BCAS3: variants seen among roughly 807,000 people sequenced by gnomAD.
BCAS3 encodes BCAS4/BCAS3 fusion.
A neutral mutation model predicts 116.1 loss-of-function variants in BCAS3; 53 were observed. The observed-to-expected ratio is 0.46, with a 90% confidence interval of 0.37 to 0.57. The LOEUF (loss-of-function observed/expected upper bound fraction) is 0.57. Among genes scored for constraint, BCAS3 ranks in the 20% least tolerant of loss-of-function variants. The pLI is 0.00. For missense variants in BCAS3, 917 were observed against 1,165.4 expected, an observed-to-expected ratio of 0.79 and a Z score of 3.10; for synonymous variants, 391 against 408.2, an observed-to-expected ratio of 0.96 and a Z score of 0.51.
chr17:60,703,229 C>T (rs2036652102), intron 4 of BCAS3, among the ~76,000 whole-genome samples: 1 of 150,208 alleles, frequency 6.7e-6, no homozygotes, highest in Non-Finnish European at 1.5e-5. Flanking sequence ...GAGCTGAGAT[C>T]GTGCCACTGC....
rs777567245 is a variant in BCAS3, at chr17:60,874,741, A to G, written c.661+3A>G. 29 of 1,603,322 alleles carry G rather than the reference A, an allele frequency of 1.8e-5. No homozygotes were observed. The South Asian group carries it at 3.0e-4, about 17-fold the overall frequency. ...CACGAAGAAATTCTTTGTTACAAGT[A>G]TGTACCAATTTTTTTTCCCTTCTTA... On this transcript the variant is annotated splice_donor_region_variant and intron_variant, in intron 9 of 23. Transcript: ENST00000407086.
In BCAS3 at chr17:61,307,130, A is replaced by T. The variant is rs2053917109; in HGVS notation, c.2426-61197A>T. Among the ~76,000 whole-genome samples the T allele has an allele frequency of 6.6e-6, 1 of 152,240 alleles. No homozygotes were observed. The highest frequency in any genetic ancestry group is 2.1e-4 in the South Asian group (1 of 4,838). ...CTTTTACTGCTTCCCCACAAACCGTAGAATGAGAAAAGGATGATTGAAGTG... is the reference window on the plus strand; with the variant it reads ...CTTTTACTGCTTCCCCACAAACCGTTGAATGAGAAAAGGATGATTGAAGTG... On this transcript the variant is annotated intron_variant, in intron 22 of 23. Transcript: ENST00000407086. This position sits in a 1 kb window ranked among gnomAD's most constrained non-coding sequence, Gnocchi z 4.7.
rs1489909437 is a variant in BCAS3 at position 61,073,573 on chromosome 17, T to G, written c.2030-1347T>G. On this transcript the variant is annotated intron_variant, in intron 19 of 23. Coordinates refer to ENST00000407086, the MANE Select transcript of BCAS3 (RefSeq NM_017679.5). This position sits in a 1 kb window ranked among gnomAD's most constrained non-coding sequence, Gnocchi z 4.6. ...TTTCTGGGAACATATATTAAGAAAT[T>G]TATATATTTACATCCTCTGATTTCA... is the stretch of plus-strand genomic sequence containing the variant. Among the ~76,000 whole-genome samples, 1 of 152,164 alleles carries G rather than the reference T, an allele frequency of 6.6e-6. No individual in the cohort carries two copies. Among genetic ancestry groups the G allele is most frequent in the African/African-American group, 2.4e-5 (1 of 41,444 alleles).
Position 61,128,594 on chromosome 17 carries a change from A to G in BCAS3, c.2425+44030A>G, listed in dbSNP as rs887393513. ...CCAGCACTTATAAAATAAAAAAAGT[A>G]TGGAGAGAGAGAAAGCAAGTAACCC... is the stretch of plus-strand genomic sequence containing the variant. On this transcript the variant is annotated intron_variant, in intron 22 of 23. Coordinates refer to ENST00000407086, the MANE Select transcript of BCAS3 (RefSeq NM_017679.5). This position sits in a 1 kb window ranked among gnomAD's most constrained non-coding sequence, Gnocchi z 4.1. 7.1e-6 allele frequency: 7 copies of G among 985,210 alleles called. No homozygotes were observed. The Admixed American group carries it at 3.7e-4, about 52-fold the overall frequency. The allele number at this position is 985,210 out of a possible 1,614,324, so 61.0% of individuals were successfully genotyped here. A position where few individuals can be genotyped will look rare whatever the true frequency, so the allele number is the denominator to read the frequency against.
rs1174377321 is a variant in BCAS3, at chr17:61,063,033, C to G, written c.2030-11887C>G. On this transcript the variant is annotated intron_variant, in intron 19 of 23. Coordinates refer to ENST00000407086, the MANE Select transcript of BCAS3 (RefSeq NM_017679.5). This position sits in a 1 kb window ranked among gnomAD's most constrained non-coding sequence, Gnocchi z 5.3. ...CCACCAAAGCTTTGGCTAATTTTCT[C>G]AAAGCATTCTCATAATCAACAGATG... Among the ~76,000 whole-genome samples the G allele has an allele frequency of 1.3e-5, 2 of 152,126 alleles. No individual in the cohort carries two copies. Among genetic ancestry groups the G allele is most frequent in the African/African-American group, 4.8e-5 (2 of 41,430 alleles).
rs1189805193 is a variant in BCAS3 at position 61,023,977 on chromosome 17, TA to T, written c.1637+8078del. Among the ~76,000 whole-genome samples, 1 of 152,192 alleles carries T rather than the reference TA, an allele frequency of 6.6e-6. No homozygotes were observed. The highest frequency in any genetic ancestry group is 1.9e-4 in the East Asian group (1 of 5,198). ...ATATAGTAATTTGGGTTGCCTCTGT[TA>T]ATACAGAGAATATTTCATTCAGTAT... On this transcript the variant is annotated intron_variant, in intron 16 of 23. Coordinates refer to ENST00000407086, the MANE Select transcript of BCAS3 (RefSeq NM_017679.5). The surrounding 1 kb of genome is among the most constrained non-coding windows in gnomAD (Gnocchi z 4.8).
At position 61,323,972 on chromosome 17, in the gene BCAS3, G is replaced by A. The variant is rs922249594; in HGVS notation, c.2426-44355G>A. 2.0e-5 allele frequency among the ~76,000 whole-genome samples: 3 copies of A among 152,338 alleles called. No individual in the cohort carries two copies. Among genetic ancestry groups the A allele is most frequent in the African/African-American group, 4.8e-5 (2 of 41,576 alleles). ...CATTGTCAAAGGTTGGGCGGGAGAC[G>A]AGGTAAGAACTGTTAGTGTCTGTGA... On this transcript the variant is annotated intron_variant, in intron 22 of 23. Coordinates refer to ENST00000407086, the MANE Select transcript of BCAS3 (RefSeq NM_017679.5). This position sits in a 1 kb window ranked among gnomAD's most constrained non-coding sequence, Gnocchi z 4.6.
At chr17:61,223,769 A>G (rs1277984788) in intron 22 of BCAS3, among the ~76,000 whole-genome samples, 1 of 152,254 alleles carries the variant, frequency 6.6e-6, no homozygotes, top group Non-Finnish European at 1.5e-5. Context: ...GATATTGTAT[A>G]GAACAACTTG....
intron 7 of BCAS3, among the ~76,000 whole-genome samples, chr17:60,845,569 C>T (rs574618445): frequency 2.6e-5 from 4 of 152,316 alleles, no homozygotes; most frequent in African/African-American, 7.2e-5. Flanking sequence ...CATTCTAAAA[C>T]ATTTATTGAC....
intron 7 of BCAS3, among the ~76,000 whole-genome samples, chr17:60,867,254 T>C (rs1048280480): frequency 6.6e-6 from 1 of 151,902 alleles, no homozygotes; most frequent in Non-Finnish European, 1.5e-5. Flanking sequence ...TACAGGTGCT[T>C]GACACCATGC....
rs1463596692 is a variant in BCAS3, at chr17:61,380,247, C to A, written c.2594-11730C>A. ...CATCATTCCCTACCCCAGCCCTGTG[C>A]AGCAGGCAGGAGTGTAGGAACTCAG... On this transcript the variant is annotated intron_variant, in intron 23 of 23. Coordinates refer to ENST00000407086, the MANE Select transcript of BCAS3 (RefSeq NM_017679.5). This position sits in a 1 kb window ranked among gnomAD's most constrained non-coding sequence, Gnocchi z 4.2. 6 of 518,920 alleles carry A rather than the reference C, an allele frequency of 1.2e-5. No homozygotes were observed. The highest frequency in any genetic ancestry group is 2.1e-5 in the Non-Finnish European group (6 of 287,366). 32.1% of individuals were successfully genotyped at this position (518,920 alleles called of 1,614,324 possible). A position where few individuals can be genotyped will look rare whatever the true frequency, so the allele number is the denominator to read the frequency against.
At chr17:61,210,165 GGAA>G (rs1377676635) in intron 22 of BCAS3, among the ~76,000 whole-genome samples, 1 of 152,120 alleles carries the variant, frequency 6.6e-6, no homozygotes, top group Non-Finnish European at 1.5e-5. Flanking sequence ...ATATAGAATT[GGAA>G]GAAGATTAAA....
At chr17:60,952,655 G>A (rs918441646) in intron 14 of BCAS3, among the ~76,000 whole-genome samples, 1 of 152,012 alleles carries the variant, frequency 6.6e-6, no homozygotes, top group Non-Finnish European at 1.5e-5. Context: ...TACATATGCA[G>A]GTTTATTATG....
At chr17:61,322,999 T>A (rs969405228) in intron 22 of BCAS3, among the ~76,000 whole-genome samples, 21 of 151,990 alleles carry the variant, frequency 1.4e-4, no homozygotes, top group African/African-American at 4.4e-4. Flanking sequence ...CCTTTTTTTT[T>A]AAAGGCGTGT....
intron 16 of BCAS3, among the ~76,000 whole-genome samples, chr17:61,016,422 G>A (rs1281083977): frequency 6.6e-6 from 1 of 152,098 alleles, no homozygotes; most frequent in Non-Finnish European, 1.5e-5. Context: ...TAAGATTTGG[G>A]CTTTATTTAA....
At chr17:60,902,729 G>T (rs1329068439) in intron 11 of BCAS3, 26 bp downstream of exon 11, 1 of 1,514,560 alleles carries the variant, frequency 6.6e-7, no homozygotes, top group Non-Finnish European at 9.2e-7. Context: ...ATCTTGGAGA[G>T]TTGTGGTTAT....
rs534284439 is a variant in BCAS3, at chr17:61,145,246, G to A, written c.2425+60682G>A. On this transcript the variant is annotated intron_variant, in intron 22 of 23. Coordinates refer to ENST00000407086, the MANE Select transcript of BCAS3 (RefSeq NM_017679.5). This position sits in a 1 kb window ranked among gnomAD's most constrained non-coding sequence, Gnocchi z 5.0. Reference sequence around the variant, plus strand: ...GTCTTGAATCTTTCTTGTTTCTGCCGTCTTCACCTTTGCTGATGGTTCTGC... The same window carrying A: ...GTCTTGAATCTTTCTTGTTTCTGCCATCTTCACCTTTGCTGATGGTTCTGC... 2.6e-5 allele frequency among the ~76,000 whole-genome samples: 4 copies of A among 152,106 alleles called. No homozygotes were observed. The highest frequency in any genetic ancestry group is 1.3e-4 in the Admixed American group (2 of 15,266).
chr17:61,069,037 G>A (rs1390303259), intron 19 of BCAS3, among the ~76,000 whole-genome samples: 1 of 151,904 alleles, frequency 6.6e-6, no homozygotes, highest in African/African-American at 2.4e-5. Flanking sequence ...TCTATTTAAA[G>A]AAAAAGCCAA....
rs182569811 is a variant in BCAS3, at chr17:60,803,200, G to A, written c.404-4804G>A. Among the ~76,000 whole-genome samples, 6 of 152,314 alleles carry A rather than the reference G, an allele frequency of 3.9e-5. No homozygotes were observed. The East Asian group carries it at 1.2e-3, about 29-fold the overall frequency. On this transcript the variant is annotated intron_variant, in intron 6 of 23. Transcript: ENST00000407086. ...TTTGTTTTGCATTCACCTTTACCCA[G>A]TGTCCTTCTGTCTGTCTCTAGAGAG...
Sources: allele counts gnomAD v4.1 joint callset (sites outside exome capture counted in the v4.1 genomes callset), GRCh38; gene constraint gnomAD v4.1.1; non-coding constraint Gnocchi (gnomAD v3.1); transcripts MANE v1.5; gene names NCBI Gene and HGNC (gene_info 2026-07-23, HGNC 2026-07-21).